Variants in C16orf96 observed in about 807,000 individuals in gnomAD.
C16orf96 encodes uncharacterized protein C16orf96.
A neutral mutation model predicts 103.6 loss-of-function variants in C16orf96; 108 were observed. That is an observed-to-expected ratio of 1.04 (90% confidence interval 0.89 to 1.22). The LOEUF (loss-of-function observed/expected upper bound fraction) is 1.22, where lower values mean the gene tolerates loss of function less well. Among genes scored for constraint, C16orf96 ranks in the 50% most tolerant of loss-of-function variants. C16orf96 has a pLI of 0.00. For synonymous variants in C16orf96, 566 were observed against 593.5 expected (o/e 0.95, Z 0.67); for missense variants, 1,586 against 1,464.2 (o/e 1.08, Z -1.36).
chr16:4,594,909 G>A (rs930702805), intron 14 of C16orf96, 106 bp downstream of exon 14: 24 of 1,217,546 alleles, frequency 2.0e-5, no homozygotes, highest in Non-Finnish European at 2.6e-5. Context: ...ATCCCTGACC[G>A]GGGAGTCCTC....
At chr16:4,587,173 C>T (rs1896946562) in intron 8 of C16orf96, 60 bp downstream of exon 8, 1 of 1,419,314 alleles carries the variant, frequency 7.0e-7, no homozygotes, top group Non-Finnish European at 9.7e-7. Flanking sequence ...ACGGCACCAT[C>T]CAGGCAAAGC....
At chr16:4,585,469 T>TA (rs925460603) in intron 7 of C16orf96, among the ~76,000 whole-genome samples, 1 of 151,612 alleles carries the variant, frequency 6.6e-6, no homozygotes, top group Non-Finnish European at 1.5e-5. Context: ...AAAATTAAAA[T>TA]AAAAAAATTA....
the C16orf96 span, among the ~76,000 whole-genome samples, chr16:4,542,028 T>C: frequency 1.7e-4 from 26 of 152,194 alleles, no homozygotes; most frequent in Admixed American, 6.5e-5. Context: ...GAGAATGGTT[T>C]AGACCAAGAG....
rs1039024283 is a variant in C16orf96, at chr16:4,593,644, C to T, written c.2867+328C>T. ...GTCCCTGTTTCTTGGCGGAGGGAATCGGTGATGATGGGGAACCCTCAGGGA... is the reference window on the plus strand; with the variant it reads ...GTCCCTGTTTCTTGGCGGAGGGAATTGGTGATGATGGGGAACCCTCAGGGA... On this transcript the variant is annotated intron_variant, in intron 12 of 15. Coordinates refer to ENST00000444310, the MANE Select transcript of C16orf96 (RefSeq NM_001145011.2). The surrounding 1 kb of genome is among the most constrained non-coding windows in gnomAD (Gnocchi z 4.2). Among the ~76,000 whole-genome samples, 1 of 152,080 alleles carries T rather than the reference C, an allele frequency of 6.6e-6. No individual in the cohort carries two copies. The highest frequency in any genetic ancestry group is 1.5e-5 in the Non-Finnish European group (1 of 68,008).
At chr16:4,543,939 G>A in the C16orf96 span, among the ~76,000 whole-genome samples, 11 of 152,082 alleles carry the variant, frequency 7.2e-5, no homozygotes, top group South Asian at 2.1e-4. Flanking sequence ...ACCGCACCCC[G>A]CCAGGATTCA....
At position 4,596,975 on chromosome 16, in the gene C16orf96, C is replaced by T. The variant is rs148754284; in HGVS notation, c.3127+2172C>T. Among the ~76,000 whole-genome samples the T allele has an allele frequency of 1.3e-3, 203 of 152,256 alleles. 1 individual carries two copies. Among genetic ancestry groups the T allele is most frequent in the African/African-American group, 4.6e-3 (191 of 41,552 alleles). On this transcript the variant is annotated intron_variant, in intron 14 of 15. Coordinates refer to ENST00000444310, the MANE Select transcript of C16orf96 (RefSeq NM_001145011.2). ...AGGACATTTGTCTTTGGATTTGTGCCCGACCTAACCCAGGATGATCTCATC... is the reference window on the plus strand; with the variant it reads ...AGGACATTTGTCTTTGGATTTGTGCTCGACCTAACCCAGGATGATCTCATC...
At chr16:4,578,798 A>T (rs1418210630) in intron 5 of C16orf96, 142 bp from the exon 6 acceptor site, 3 of 469,426 alleles carry the variant, frequency 6.4e-6, no homozygotes, top group Non-Finnish European at 1.2e-5. Context: ...AATAAATAAA[A>T]AGGTACCACA....
In C16orf96 at chr16:4,575,756, C is replaced by A. The variant is rs1567446103; in HGVS notation, c.1276C>A (p.Pro426Thr). The change falls in exon 5 of 16, where the codon CCA becomes ACA. Residue 426 changes from proline to threonine, a missense_variant. Pro to Thr is a conservative substitution (Grantham distance 38). Coordinates refer to ENST00000444310, the MANE Select transcript of C16orf96 (RefSeq NM_001145011.2). The part of the protein sequence containing the change: ...TQPQPSRAPP[P>T]ATEFGSLWPR... ...GCCCCAACCCTCCAGGGCCCCACCA[C>A]CAGCCACTGAGTTTGGCTCATTGTG... 6.5e-7 allele frequency: 1 copy of A among 1,547,676 alleles called. No individual in the cohort carries two copies. Among genetic ancestry groups the A allele is most frequent in the African/African-American group, 1.4e-5 (1 of 72,992 alleles).
rs770047452 is a variant in C16orf96 at position 4,588,163 on chromosome 16, C to A, written c.2428-4C>A. On this transcript the variant is annotated splice_region_variant and splice_polypyrimidine_tract_variant and intron_variant, in intron 8 of 15. Transcript: ENST00000444310. ...ATGCCTCCCTGAACTCCCTGTCTCC[C>A]TAGAAAGCTGACAGGAGTGCCCTGG... The A allele has an allele frequency of 5.2e-6, 8 of 1,550,390 alleles. No homozygotes were observed. In the Middle Eastern group the frequency reaches 5.3e-4, roughly 103 times the overall value.
rs533920770 is a variant in C16orf96 at position 4,593,151 on chromosome 16, G to C, written c.2775-73G>C. ...CCTCCTGCTGGGAAGGCTTCCTGGAGGGGTGGGAGACGAGCCCTCTGCTGG... is the reference window on the plus strand; with the variant it reads ...CCTCCTGCTGGGAAGGCTTCCTGGACGGGTGGGAGACGAGCCCTCTGCTGG... On this transcript the variant is annotated intron_variant, in intron 11 of 15. Coordinates refer to ENST00000444310, the MANE Select transcript of C16orf96 (RefSeq NM_001145011.2). The surrounding 1 kb of genome is among the most constrained non-coding windows in gnomAD (Gnocchi z 4.2). The C allele has an allele frequency of 7.2e-7, 1 of 1,395,888 alleles. No homozygotes were observed. The allele number at this position is 1,395,888 out of a possible 1,614,324, so 86.5% of individuals were successfully genotyped here.
At chr16:4,591,858 T>C in intron 10 of C16orf96, 74 bp downstream of exon 10, 2 of 1,198,398 alleles carry the variant, frequency 1.7e-6, no homozygotes, top group East Asian at 2.6e-5. Flanking sequence ...CTGGAAGCTC[T>C]GGGAGGAAAG....
intron 1 of C16orf96, chr16:4,561,204 G>A (rs1009471074): frequency 3.9e-5 from 6 of 152,096 alleles, no homozygotes; most frequent in Non-Finnish European, 7.3e-5. Flanking sequence ...CTACTGGGGA[G>A]GCTGAGGCAG....
chr16:4,555,286 ACACACAC>A (rs2059252420), upstream of C16orf96, among the ~76,000 whole-genome samples: 2 of 149,354 alleles, frequency 1.3e-5, no homozygotes, highest in Non-Finnish European at 3.0e-5. Flanking sequence ...ACACACACAC[ACACACAC>A]ACACACACAC....
rs1404802094 is a variant in C16orf96 at position 4,575,649 on chromosome 16, C to G, written c.1169C>G (p.Pro390Arg). 1.5e-5 allele frequency: 23 copies of G among 1,535,392 alleles called. No individual in the cohort carries two copies. The highest frequency in any genetic ancestry group is 1.7e-4 in the Middle Eastern group (1 of 5,734). Reference sequence around the variant, plus strand: ...CCACTGGGAGACTGGCCTGCACTCCCAAGACGCTGGCCTCTTCCCCAAGGC... The same window carrying G: ...CCACTGGGAGACTGGCCTGCACTCCGAAGACGCTGGCCTCTTCCCCAAGGC... ...PPPLGDWPAL[P>R]RRWPLPQGWP... The change falls in exon 5 of 16, where the codon CCA (proline) becomes CGA (arginine). Residue 390 changes from proline to arginine, a missense_variant. Physicochemically the swap from Pro to Arg is moderately radical, Grantham distance 103. Transcript: ENST00000444310.
chr16:4,584,434 G>T (rs1437680574), intron 7 of C16orf96, among the ~76,000 whole-genome samples: 1 of 146,516 alleles, frequency 6.8e-6, no homozygotes, highest in South Asian at 2.2e-4. Flanking sequence ...TGTAACCTCC[G>T]CCTCCCGGGT....
At chr16:4,579,513 C>T (rs895882810) in intron 6 of C16orf96, among the ~76,000 whole-genome samples, 3 of 142,730 alleles carry the variant, frequency 2.1e-5, no homozygotes, top group East Asian at 2.1e-4. Flanking sequence ...AAGATCACGC[C>T]GCTGCACTCT....
At chr16:4,582,836 A>G (rs1466859329) in intron 7 of C16orf96, among the ~76,000 whole-genome samples, 1 of 152,162 alleles carries the variant, frequency 6.6e-6, no homozygotes, top group Non-Finnish European at 1.5e-5. Flanking sequence ...GTTGTCACTT[A>G]TTAGAAAGAC....
intron 2 of C16orf96, among the ~76,000 whole-genome samples, chr16:4,572,613 C>T (rs2059452750): frequency 1.3e-5 from 2 of 152,080 alleles, no homozygotes; most frequent in African/African-American, 4.8e-5. Flanking sequence ...ACTGACGTTT[C>T]TCAGTGAAAC....
At chr16:4,542,736 G>A in the C16orf96 span, among the ~76,000 whole-genome samples, 2 of 152,158 alleles carry the variant, frequency 1.3e-5, no homozygotes, top group Non-Finnish European at 2.9e-5. Context: ...GGCGGAGGTT[G>A]CAGTGAGGCA....
Sources: gnomAD v4.1 joint callset for allele counts (sites outside exome capture counted in the v4.1 genomes callset) on GRCh38, gnomAD v4.1.1 for gene constraint, Gnocchi (gnomAD v3.1) non-coding constraint, MANE v1.5 for transcripts, NCBI Gene and HGNC (gene_info 2026-07-23, HGNC 2026-07-21) for gene names.